The following ABL2 variants were observed in gnomAD, a reference collection of about 807,000 sequenced individuals.
The protein encoded by ABL2 is ABL proto-oncogene 2, non-receptor tyrosine kinase, also known as tyrosine-protein kinase ABL2.
ABL2 carries 49 observed loss-of-function variants against 107.7 expected under a neutral mutation model. The observed-to-expected ratio is 0.45, with a 90% CI of 0.36 to 0.58. The LOEUF (loss-of-function observed/expected upper bound fraction) is 0.58. ABL2 is among the 20% of genes least tolerant of loss of function. The pLI is 0.00. For synonymous variants in ABL2, 549 were observed against 548.6 expected, an observed-to-expected ratio of 1.00 and a Z score of -0.01; for missense variants, 1,245 against 1,457.0, an observed-to-expected ratio of 0.85 and a Z score of 2.37.
At chr1:179,162,915 T>C (rs576052117) in intron 1 of ABL2, among the ~76,000 whole-genome samples, 4 of 152,254 alleles carry the variant, frequency 2.6e-5, no homozygotes, top group South Asian at 4.2e-4. Context: ...TCCTGCAACA[T>C]TGTCTTTTTA....
intron 1 of ABL2, among the ~76,000 whole-genome samples, chr1:179,182,170 AT>A (rs1282845892): frequency 4.0e-5 from 6 of 151,760 alleles, no homozygotes; most frequent in African/African-American, 1.5e-4. Flanking sequence ...CTTAAGTTCC[AT>A]GGTCCATCAT....
Position 179,110,368 on chromosome 1 carries a change from C to A in ABL2, c.1739G>T (p.Arg580Leu). The change falls in exon 11 of 12, where the codon CGG (arginine) becomes CTG (leucine). Residue 580 changes from arginine (R) to leucine (L), a missense_variant. By Grantham distance (102) the Arg-to-Leu change is moderately radical. This residue lies in a region of ABL2 where 761 missense variants were observed against 766.4 expected (regional missense o/e 0.99). Transcript: ENST00000502732. ...PRLPILPSKT[R>L]TLKKQVENKE... ...GTTCTCCACCTGTTTCTTCAGTGTCCGAGTCTTGGAAGGAAGTATAGGTAG... is the reference window on the plus strand; with the variant it reads ...GTTCTCCACCTGTTTCTTCAGTGTCAGAGTCTTGGAAGGAAGTATAGGTAG... 1 of 1,614,084 alleles carries A rather than the reference C, an allele frequency of 6.2e-7. No individual in the cohort carries two copies. The highest frequency in any genetic ancestry group is 8.5e-7 in the Non-Finnish European group (1 of 1,180,036).
At chr1:179,202,400 C>T (rs1376330426) in intron 1 of ABL2, among the ~76,000 whole-genome samples, 2 of 152,190 alleles carry the variant, frequency 1.3e-5, no homozygotes, top group African/African-American at 4.8e-5. Flanking sequence ...ATTAGCCTTG[C>T]TGTCCTCCTA....
chr1:179,228,888 C>T (rs551090224), intron 1 of ABL2, among the ~76,000 whole-genome samples: 5 of 152,292 alleles, frequency 3.3e-5, no homozygotes, highest in African/African-American at 1.2e-4. Context: ...ATGCTCCCAC[C>T]TCTGGGACTG....
intron 7 of ABL2, 56 bp downstream of exon 7, chr1:179,118,531 T>A: frequency 6.5e-7 from 1 of 1,535,994 alleles, no homozygotes; most frequent in Non-Finnish European, 8.9e-7. Context: ...TTCTTCCTTT[T>A]ATCTGCATGT....
At chr1:179,155,238 C>G (rs778686600) in intron 1 of ABL2, among the ~76,000 whole-genome samples, 1 of 152,168 alleles carries the variant, frequency 6.6e-6, no homozygotes, top group Non-Finnish European at 1.5e-5. Flanking sequence ...GTCGGCTGAT[C>G]TTGATTCATC....
chr1:179,142,042 A>G (rs1052006240), intron 1 of ABL2, among the ~76,000 whole-genome samples: 17 of 152,252 alleles, frequency 1.1e-4, no homozygotes, highest in African/African-American at 3.9e-4. Flanking sequence ...ACATGTCTGG[A>G]TGATTCAGAT....
At chr1:179,113,393 T>G (rs1654294077) in intron 9 of ABL2, among the ~76,000 whole-genome samples, 1 of 152,196 alleles carries the variant, frequency 6.6e-6, no homozygotes, top group Non-Finnish European at 1.5e-5. Context: ...CTGTATACAT[T>G]CAGAAATATA....
intron 1 of ABL2, among the ~76,000 whole-genome samples, chr1:179,152,464 G>A (rs1431900462): frequency 6.6e-6 from 1 of 152,164 alleles, no homozygotes; most frequent in Non-Finnish European, 1.5e-5. Context: ...CTGAAGAGGA[G>A]CTCAGGTGGT....
chr1:179,137,829 C>CA (rs1657181098), intron 1 of ABL2: 1 of 152,242 alleles, frequency 6.6e-6, no homozygotes, highest in South Asian at 2.1e-4. Context: ...CCACAGTGGA[C>CA]ATAAGGGGCG....
intron 1 of ABL2, among the ~76,000 whole-genome samples, chr1:179,166,497 G>A (rs1659391907): frequency 6.6e-6 from 1 of 151,992 alleles, no homozygotes. Flanking sequence ...AAATGTTCCT[G>A]GCAGGGCGCG....
chr1:179,210,503 C>CAAAAAAAAAAAAA (rs113814284), intron 1 of ABL2, among the ~76,000 whole-genome samples: 1 of 94,104 alleles, frequency 1.1e-5, no homozygotes, highest in Non-Finnish European at 2.0e-5. Flanking sequence ...CTCTAACTCA[C>CAAAAAAAAAAAAA]AAAAAAAAAA....
At chr1:179,175,067 A>G (rs1359748610) in intron 1 of ABL2, among the ~76,000 whole-genome samples, 3 of 152,006 alleles carry the variant, frequency 2.0e-5, no homozygotes, top group African/African-American at 4.8e-5. Flanking sequence ...ATTTTAAAAT[A>G]CAGACTAGGT....
Position 179,109,089 on chromosome 1 carries a change from G to A in ABL2, c.2178C>T (p.Asn726=), listed in dbSNP as rs1329724960. 1 of 1,609,398 alleles carries A rather than the reference G, an allele frequency of 6.2e-7. No homozygotes were observed. The highest frequency in any genetic ancestry group is 1.4e-5 in the African/African-American group (1 of 73,148). Residue 726 remains asparagine, a synonymous_variant, in exon 12 of 12, where the codon AAC becomes AAT. Transcript: ENST00000502732. The part of the protein sequence containing the change: ...KCYGGSFAQR[N]LCNDDGGGGG... ...CCCCACCACCGTCGTCATTACAGAGGTTCCTCTGTGCAAAGCTCCCCCCAT... is the reference window on the plus strand; with the variant it reads ...CCCCACCACCGTCGTCATTACAGAGATTCCTCTGTGCAAAGCTCCCCCCAT...
At chr1:179,151,711 ATTAAAT>A (rs1451311994) in intron 1 of ABL2, among the ~76,000 whole-genome samples, 2 of 152,236 alleles carry the variant, frequency 1.3e-5, no homozygotes, top group African/African-American at 2.4e-5. Context: ...ATGGAATAAA[ATTAAAT>A]TTAAGTAACT....
At chr1:179,191,058 C>G (rs937296849) in intron 1 of ABL2, among the ~76,000 whole-genome samples, 5 of 152,140 alleles carry the variant, frequency 3.3e-5, no homozygotes, top group African/African-American at 1.2e-4. Context: ...AGATAGGAAG[C>G]CACTCCCAGT....
In ABL2 at chr1:179,101,377, CTTT is replaced by C. The variant is rs71108091; in HGVS notation, c.*6338_*6340del. Reference sequence around the variant, plus strand: ...ATATTGAGTCAGAAATGAAGGTATCCTTTTTTTTTTTTTTCTTCTTAACGTGTC... The same window carrying C: ...ATATTGAGTCAGAAATGAAGGTATCCTTTTTTTTTTTCTTCTTAACGTGTC... On this transcript the variant is annotated 3_prime_UTR_variant, in exon 12 of 12. Coordinates refer to ENST00000502732, the MANE Select transcript of ABL2 (RefSeq NM_007314.4). 2.8e-3 allele frequency: 464 copies of C among 168,654 alleles called. 1 individual carries two copies. Among genetic ancestry groups the C allele is most frequent in the African/African-American group, 0.011 (438 of 39,488 alleles). The allele number at this position is 168,654 out of a possible 1,614,324, so 10.4% of individuals were successfully genotyped here. A position where few individuals can be genotyped will look rare whatever the true frequency, so the allele number is the denominator to read the frequency against.
intron 10 of ABL2, among the ~76,000 whole-genome samples, chr1:179,111,299 T>TC (rs1393377906): frequency 1.1e-4 from 16 of 147,486 alleles, no homozygotes; most frequent in Admixed American, 9.5e-4. Flanking sequence ...TTTTTTTTTT[T>TC]TTTTGACAGG....
At position 179,108,429 on chromosome 1, in the gene ABL2, C is replaced by A. The variant is rs749350974; in HGVS notation, c.2838G>T (p.Val946=). ...CCTGAGAGTCTGTGCCAATGAGCTGCACGTCAGCTGGAGTGTGTTTCAGAG... is the reference window on the plus strand; with the variant it reads ...CCTGAGAGTCTGTGCCAATGAGCTGAACGTCAGCTGGAGTGTGTTTCAGAG... ...SPTLKHTPAD[V]QLIGTDSQGN... Residue 946 remains valine, a synonymous_variant, in exon 12 of 12, where the codon GTG becomes GTT. Coordinates refer to ENST00000502732, the MANE Select transcript of ABL2 (RefSeq NM_007314.4). The A allele has an allele frequency of 1.9e-5, 30 of 1,614,234 alleles. No homozygotes were observed. The highest frequency in any genetic ancestry group is 2.2e-5 in the Non-Finnish European group (26 of 1,180,042).
Sources: gnomAD v4.1 joint callset for allele counts (sites outside exome capture counted in the v4.1 genomes callset) on GRCh38, gnomAD v4.1.1 for gene constraint, gnomAD v4.1.1 regional missense constraint, MANE v1.5 for transcripts, NCBI Gene and HGNC (gene_info 2026-07-23, HGNC 2026-07-21) for gene names.